NDST3: variants seen among roughly 807,000 people sequenced by gnomAD.
NDST3 encodes bifunctional heparan sulfate N-deacetylase/N-sulfotransferase 3.
Under a neutral mutation model 96.1 loss-of-function variants are expected in NDST3, and 58 were observed. That is an observed-to-expected ratio of 0.60 (90% confidence interval 0.49 to 0.75). NDST3 has a LOEUF of 0.75. Ranked by LOEUF, NDST3 falls within the 30% of genes least tolerant of loss-of-function variation. The pLI is 0.00. For missense variants in NDST3, 788 were observed against 1,034.2 expected (o/e 0.76, Z 3.27); for synonymous variants, 333 against 359.7 (o/e 0.93, Z 0.84).
At position 118,193,714 on chromosome 4, in the gene NDST3, G is replaced by C. The variant is rs1241506125; in HGVS notation, c.1540-30777G>C. On this transcript the variant is annotated intron_variant, in intron 6 of 13. Transcript: ENST00000296499. Reference sequence around the variant, plus strand: ...CCAGGTGGGCCTCTCCCCAATGGAAGAGGCCCTTCTCGTTGTTGCTGCCCA... The same window carrying C: ...CCAGGTGGGCCTCTCCCCAATGGAACAGGCCCTTCTCGTTGTTGCTGCCCA... 6.1e-6 allele frequency: 8 copies of C among 1,317,080 alleles called. No homozygotes were observed. In the African/African-American group the frequency reaches 8.7e-5, roughly 14 times the overall value. 81.6% of individuals were successfully genotyped at this position (1,317,080 alleles called of 1,614,324 possible).
chr4:118,156,997 G>A (rs908566778), intron 6 of NDST3, among the ~76,000 whole-genome samples: 24 of 152,116 alleles, frequency 1.6e-4, no homozygotes, highest in Non-Finnish European at 2.5e-4. Context: ...AACAATCTGA[G>A]TGCAAACCAT....
At chr4:118,092,164 T>C (rs1051660438) in intron 2 of NDST3, among the ~76,000 whole-genome samples, 3 of 151,292 alleles carry the variant, frequency 2.0e-5, no homozygotes, top group Non-Finnish European at 3.0e-5. Context: ...CTGCACCCAT[T>C]AACTCGTCAT....
chr4:118,196,933 G>A (rs1737731871), intron 6 of NDST3, among the ~76,000 whole-genome samples: 1 of 135,212 alleles, frequency 7.4e-6, no homozygotes, highest in South Asian at 2.3e-4. Context: ...TCATTAGGTT[G>A]TTTATTTGAA....
At chr4:118,063,939 C>A (rs575960302) in intron 2 of NDST3, among the ~76,000 whole-genome samples, 1 of 152,262 alleles carries the variant, frequency 6.6e-6, no homozygotes, top group South Asian at 2.1e-4. Context: ...TCCTACCAAG[C>A]TCCACCTTAT....
chr4:118,079,181 G>T lies in NDST3; in HGVS notation c.981+24290G>T, dbSNP rs931028676. The stretch of plus-strand genomic sequence containing the variant: ...AGTGGTAGCCAAAATGAACAAGTCT[G>T]CTGGTTACATATATCTTACCTCTAA... On this transcript the variant is annotated intron_variant, in intron 2 of 13. Transcript: ENST00000296499. Among the ~76,000 whole-genome samples the T allele has an allele frequency of 3.9e-5, 6 of 152,152 alleles. No individual in the cohort carries two copies. In the South Asian group the frequency reaches 1.0e-3, roughly 26 times the overall value.
At chr4:118,039,913 A>G (rs969034169) in intron 1 of NDST3, among the ~76,000 whole-genome samples, 1 of 152,232 alleles carries the variant, frequency 6.6e-6, no homozygotes, top group African/African-American at 2.4e-5. Context: ...TGGGACATGT[A>G]CAAGAATATG....
intron 1 of NDST3, among the ~76,000 whole-genome samples, chr4:118,040,210 A>G (rs527704214): frequency 6.6e-6 from 1 of 152,336 alleles, no homozygotes; most frequent in East Asian, 1.9e-4. Flanking sequence ...ATATAATAAG[A>G]AAGGGCACAG....
chr4:118,158,292 A>G (rs573614521), intron 6 of NDST3, among the ~76,000 whole-genome samples: 61 of 152,314 alleles, frequency 4.0e-4, no homozygotes, highest in African/African-American at 1.4e-3. Flanking sequence ...GATACATGGA[A>G]AGTACAAATT....
chr4:118,247,196 C>G (rs1271140883), intron 12 of NDST3, among the ~76,000 whole-genome samples: 1 of 69,572 alleles, frequency 1.4e-5, no homozygotes, highest in Non-Finnish European at 2.7e-5. Context: ...ATCCACACAC[C>G]AGGGGGGTTT....
intron 9 of NDST3, among the ~76,000 whole-genome samples, chr4:118,234,701 A>G (rs1430482169): frequency 6.6e-6 from 1 of 151,912 alleles, no homozygotes; most frequent in Non-Finnish European, 1.5e-5. Context: ...ACAAAAATAT[A>G]TTTTGGTCAT....
intron 6 of NDST3, among the ~76,000 whole-genome samples, chr4:118,182,383 C>T (rs72913092): frequency 0.084 from 12,819 of 152,144 alleles, 1,257 homozygotes; most frequent in African/African-American, 0.25. Context: ...AAGTTCAATT[C>T]CAGAGACTAA....
intron 6 of NDST3, chr4:118,193,436 T>C: frequency 5.8e-6 from 4 of 694,474 alleles, no homozygotes; most frequent in Non-Finnish European, 7.2e-6. Context: ...AGACTGGCTC[T>C]CTGTGGTGTT....
At chr4:118,177,160 AG>A in intron 6 of NDST3, among the ~76,000 whole-genome samples, 1 of 152,180 alleles carries the variant, frequency 6.6e-6, no homozygotes, top group South Asian at 2.1e-4. Context: ...TCAGTCTCAC[AG>A]GGTTGTGGCA....
At chr4:118,033,390 G>A (rs999841862), upstream of NDST3, among the ~76,000 whole-genome samples, 95 of 152,242 alleles carry the variant, frequency 6.2e-4, no homozygotes, top group African/African-American at 2.1e-3. Flanking sequence ...CATCCTTGGC[G>A]GCCGCCGCCA....
chr4:118,034,049 C>T (rs537129357), upstream of NDST3: 2 of 152,294 alleles, frequency 1.3e-5, no homozygotes, highest in South Asian at 4.1e-4. Flanking sequence ...GAAACCGACA[C>T]TCGTTTTATT....
intron 6 of NDST3, among the ~76,000 whole-genome samples, chr4:118,162,121 A>G (rs957115108): frequency 1.3e-5 from 2 of 152,196 alleles, no homozygotes; most frequent in African/African-American, 4.8e-5. Flanking sequence ...AAATGGAAGA[A>G]CATTCCATGC....
At chr4:118,211,267 A>G (rs1738778119) in intron 6 of NDST3, among the ~76,000 whole-genome samples, 1 of 151,630 alleles carries the variant, frequency 6.6e-6, no homozygotes, top group African/African-American at 2.4e-5. Flanking sequence ...AAAACTACCC[A>G]TACTGAACAA....
At chr4:118,138,833 A>G (rs1428493974) in intron 5 of NDST3, among the ~76,000 whole-genome samples, 1 of 152,218 alleles carries the variant, frequency 6.6e-6, no homozygotes, top group African/African-American at 2.4e-5. Context: ...TATTGTCAAA[A>G]TATGCTACTA....
intron 1 of NDST3, among the ~76,000 whole-genome samples, chr4:118,035,137 T>G (rs985827103): frequency 6.6e-6 from 1 of 152,162 alleles, no homozygotes; most frequent in Non-Finnish European, 1.5e-5. Flanking sequence ...TATATCCATT[T>G]TGTGGGGGCA....
Sources: allele counts gnomAD v4.1 joint callset (sites outside exome capture counted in the v4.1 genomes callset), GRCh38; gene constraint gnomAD v4.1.1; transcripts MANE v1.5; gene names NCBI Gene and HGNC (gene_info 2026-07-23, HGNC 2026-07-21).